Variants in TMX3 observed in about 807,000 individuals in gnomAD.
The protein encoded by TMX3 is thioredoxin related transmembrane protein 3.
TMX3 carries 40 observed loss-of-function variants against 64.4 expected under a neutral mutation model. That is an observed-to-expected ratio of 0.62 (90% CI 0.48 to 0.81). The LOEUF (loss-of-function observed/expected upper bound fraction) is 0.81. TMX3 is among the 30% of genes least tolerant of loss of function. The pLI, the probability that TMX3 is intolerant of heterozygous loss-of-function variation, is 0.00. For missense variants in TMX3, 497 were observed against 534.5 expected (o/e 0.93, Z 0.69); for synonymous variants, 189 against 175.7 (o/e 1.08, Z -0.60).
At chr18:68,683,515 T>C (rs1266713840) in intron 12 of TMX3, among the ~76,000 whole-genome samples, 1 of 152,178 alleles carries the variant, frequency 6.6e-6, no homozygotes, top group Non-Finnish European at 1.5e-5. Flanking sequence ...AGTTATTCTT[T>C]TGAGTTTCTG....
At chr18:68,684,377 T>C (rs1235112498) in intron 11 of TMX3, 51 bp downstream of exon 11, 2 of 1,556,724 alleles carry the variant, frequency 1.3e-6, no homozygotes, top group African/African-American at 1.4e-5. Flanking sequence ...TCTAAAGCCA[T>C]ATAGTCTGAA....
At chr18:68,711,057 T>TA (rs1654761677) in intron 3 of TMX3, among the ~76,000 whole-genome samples, 1 of 152,178 alleles carries the variant, frequency 6.6e-6, no homozygotes, top group South Asian at 2.1e-4. Flanking sequence ...AATTCTGTAA[T>TA]AAAATCATAC....
At chr18:68,682,430 T>C (rs1239281248) in intron 13 of TMX3, among the ~76,000 whole-genome samples, 1 of 152,204 alleles carries the variant, frequency 6.6e-6, no homozygotes, top group East Asian at 1.9e-4. Flanking sequence ...AAATAAATTC[T>C]AGAACAATTC....
intron 12 of TMX3, 63 bp from the exon 13 acceptor site, chr18:68,683,044 G>A (rs1913599355): frequency 4.2e-6 from 6 of 1,421,974 alleles, no homozygotes; most frequent in East Asian, 2.3e-5. Context: ...GAGAGAGAGA[G>A]AAAGCTCATT....
chr18:68,692,645 T>A (rs540037595), intron 8 of TMX3, among the ~76,000 whole-genome samples: 6 of 152,210 alleles, frequency 3.9e-5, no homozygotes, highest in African/African-American at 1.4e-4. Flanking sequence ...AAACTCCTCA[T>A]ATTATTGTGA....
chr18:68,678,205 A>G (rs1193390244), intron 15 of TMX3, among the ~76,000 whole-genome samples: 5 of 152,266 alleles, frequency 3.3e-5, no homozygotes, highest in Admixed American at 3.3e-4. Flanking sequence ...AATACTATGC[A>G]AGGAAAAAAA....
chr18:68,678,191 G>A (rs977040179), intron 15 of TMX3, among the ~76,000 whole-genome samples: 3 of 152,058 alleles, frequency 2.0e-5, no homozygotes, highest in Admixed American at 6.6e-5. Flanking sequence ...AAAGCAAACT[G>A]AAGAATACTA....
rs977367901 is a variant in TMX3, at chr18:68,675,925, T to C, written c.*1008A>G. On this transcript the variant is annotated 3_prime_UTR_variant, in exon 16 of 16. Transcript: ENST00000299608. Reference sequence around the variant, plus strand: ...TGCTAATGTCAGTCGTTACTCCTTATGAAGCAGACACGGACAGGTCTACAG... The same window carrying C: ...TGCTAATGTCAGTCGTTACTCCTTACGAAGCAGACACGGACAGGTCTACAG... 1.3e-5 allele frequency: 2 copies of C among 152,214 alleles called. No homozygotes were observed. The highest frequency in any genetic ancestry group is 2.4e-5 in the African/African-American group (1 of 41,544). 9.4% of individuals were successfully genotyped at this position (152,214 alleles called of 1,614,324 possible).
intron 2 of TMX3, among the ~76,000 whole-genome samples, chr18:68,712,866 A>C (rs560665524): frequency 6.6e-6 from 1 of 152,208 alleles, no homozygotes; most frequent in Admixed American, 6.5e-5. Flanking sequence ...ACAGAACAGC[A>C]CTGTATGATC....
intron 12 of TMX3, 66 bp downstream of exon 12, chr18:68,684,124 G>T: frequency 1.7e-6 from 2 of 1,177,550 alleles, no homozygotes; most frequent in Non-Finnish European, 2.5e-6. Context: ...TACTAAGTTT[G>T]CTTTACTAAA....
chr18:68,694,303 C>T (rs1453408833), intron 8 of TMX3, among the ~76,000 whole-genome samples: 1 of 152,148 alleles, frequency 6.6e-6, no homozygotes, highest in African/African-American at 2.4e-5. Context: ...CTCTGCAGTT[C>T]CTGGCGTCTC....
At chr18:68,710,669 T>C (rs1238727002) in intron 3 of TMX3, among the ~76,000 whole-genome samples, 1 of 152,206 alleles carries the variant, frequency 6.6e-6, no homozygotes, top group Non-Finnish European at 1.5e-5. Context: ...AGTCTTTTAC[T>C]CTTCTTTAGA....
rs887368742 is a variant in TMX3, at chr18:68,676,544, C to T, written c.*389G>A. On this transcript the variant is annotated 3_prime_UTR_variant, in exon 16 of 16. Transcript: ENST00000299608. ...TCTTGTCCAAAATATATGAGGGAAA[C>T]GGATGGCAGCAGGAGAGGCATTATT... 11 of 168,598 alleles carry T rather than the reference C, an allele frequency of 6.5e-5. No individual in the cohort carries two copies. In the South Asian group the frequency reaches 1.7e-3, roughly 26 times the overall value. The allele number at this position is 168,598 out of a possible 1,614,324, so 10.4% of individuals were successfully genotyped here.
At chr18:68,687,895 A>T (rs1452218952) in intron 9 of TMX3, 130 bp from the exon 10 acceptor site, 2 of 556,512 alleles carry the variant, frequency 3.6e-6, no homozygotes, top group East Asian at 6.6e-5. Flanking sequence ...GTTTTTAGGA[A>T]TTTATTGCAA....
intron 9 of TMX3, chr18:68,688,570 T>C (rs1914193980): frequency 6.6e-6 from 1 of 152,220 alleles, no homozygotes; most frequent in African/African-American, 2.4e-5. Context: ...TGGATTTTAA[T>C]GACCTCTTCA....
chr18:68,676,276 G>A lies in TMX3; in HGVS notation c.*657C>T, dbSNP rs756339679. On this transcript the variant is annotated 3_prime_UTR_variant, in exon 16 of 16. Coordinates refer to ENST00000299608, the MANE Select transcript of TMX3 (RefSeq NM_019022.5). ...ACTCAGTAAATCCTGTTTATTTTGC[G>A]AAAGTCAATCACAAGACTTTTTTTC... The A allele has an allele frequency of 1.3e-5, 2 of 152,064 alleles. No individual in the cohort carries two copies. Among genetic ancestry groups the A allele is most frequent in the South Asian group, 2.1e-4 (1 of 4,814 alleles). The allele number at this position is 152,064 out of a possible 1,614,324, so 9.4% of individuals were successfully genotyped here.
chr18:68,709,378 C>T (rs2031035174), intron 4 of TMX3, among the ~76,000 whole-genome samples: 1 of 152,102 alleles, frequency 6.6e-6, no homozygotes, highest in Admixed American at 6.6e-5. Context: ...CTTTCTGGGG[C>T]ATACAGCCTC....
At position 68,701,754 on chromosome 18, in the gene TMX3, G is replaced by T; in HGVS notation, c.302C>A (p.Thr101Lys). Residue 101 changes from threonine to lysine, a missense_variant, in exon 5 of 16, where the codon ACA (threonine) becomes AAA (lysine). Thr to Lys is a moderately conservative substitution (Grantham distance 78). Around this residue, in one of 3 missense-constraint regions of TMX3, gnomAD observed 360 missense variants for 383.5 expected, o/e 0.94. Transcript: ENST00000299608. ...ACAACACTCAACTTACAGCTTAATT[G>T]TTGGATAACCTCGAACTCCAAACTC... ...ASEFGVRGYPTIKLLKGDLAY... is the reference protein window; with the variant it reads ...ASEFGVRGYPKIKLLKGDLAY... 1 of 1,611,888 alleles carries T rather than the reference G, an allele frequency of 6.2e-7. No individual in the cohort carries two copies. The highest frequency in any genetic ancestry group is 8.5e-7 in the Non-Finnish European group (1 of 1,179,092).
chr18:68,694,383 A>G (rs1914848235), intron 8 of TMX3, among the ~76,000 whole-genome samples: 1 of 152,198 alleles, frequency 6.6e-6, no homozygotes, highest in African/African-American at 2.4e-5. Context: ...CACTTGCAGT[A>G]CATCTGGTCC....
Sources: gnomAD v4.1 joint callset for allele counts (sites outside exome capture counted in the v4.1 genomes callset) on GRCh38, gnomAD v4.1.1 for gene constraint, gnomAD v4.1.1 regional missense constraint, MANE v1.5 for transcripts, NCBI Gene and HGNC (gene_info 2026-07-23, HGNC 2026-07-21) for gene names.